PCSK5: variants seen among roughly 807,000 people sequenced by gnomAD.
The protein encoded by PCSK5 is prohormone convertase 5.
Under a neutral mutation model 233.2 loss-of-function variants are expected in PCSK5, and 129 were observed. The ratio of observed to expected loss-of-function variants is 0.55; its 90% CI spans 0.48 to 0.64. The LOEUF is 0.64. PCSK5 is among the 30% of genes least tolerant of loss of function. PCSK5 has a pLI of 0.00. For missense variants in PCSK5, 2,076 were observed against 2,430.1 expected (o/e 0.85, Z 3.06); for synonymous variants, 825 against 879.2 (o/e 0.94, Z 1.09).
At chr9:76,090,478 C>G (rs769958972) in intron 7 of PCSK5, among the ~76,000 whole-genome samples, 1 of 152,140 alleles carries the variant, frequency 6.6e-6, no homozygotes, top group African/African-American at 2.4e-5. Flanking sequence ...TCTGGGACTT[C>G]AATCATAAAC....
rs927738521 is a variant in PCSK5 at position 76,323,275 on chromosome 9, T to C, written c.4326T>C (p.Thr1442=). The change falls in exon 32 of 38, where the codon ACT becomes ACC. Residue 1442 remains threonine, a synonymous_variant. Transcript: ENST00000674117. ...CPAGTYYEKE[T]KECRDCHKSC... ...CAGGAACCTATTATGAAAAGGAGAC[T>C]AAGGAGTGCAGAGGTAAAGACTTCT... is the stretch of plus-strand genomic sequence containing the variant. 6 of 1,599,434 alleles carry C rather than the reference T, an allele frequency of 3.8e-6. No individual in the cohort carries two copies. The highest frequency in any genetic ancestry group is 5.1e-6 in the Non-Finnish European group (6 of 1,167,924).
At chr9:76,185,254 G>T (rs1400972675) in intron 17 of PCSK5, among the ~76,000 whole-genome samples, 1 of 152,160 alleles carries the variant, frequency 6.6e-6, no homozygotes, top group East Asian at 1.9e-4. Flanking sequence ...ACCAGGAGAT[G>T]TTTTCCTTGA....
At chr9:75,991,392 A>G in intron 3 of PCSK5, among the ~76,000 whole-genome samples, 1 of 152,162 alleles carries the variant, frequency 6.6e-6, no homozygotes, top group East Asian at 1.9e-4. Flanking sequence ...ACCGTATTTA[A>G]TTAACCAAGG....
At chr9:76,149,540 A>C (rs1823580480) in intron 10 of PCSK5, among the ~76,000 whole-genome samples, 1 of 152,244 alleles carries the variant, frequency 6.6e-6, no homozygotes, top group Non-Finnish European at 1.5e-5. Flanking sequence ...CTGCCGGCTA[A>C]CCAAAATCCC....
intron 5 of PCSK5, among the ~76,000 whole-genome samples, chr9:76,043,941 C>T (rs897859572): frequency 1.3e-5 from 2 of 152,116 alleles, no homozygotes; most frequent in African/African-American, 4.8e-5. Context: ...GTCTTTCTCT[C>T]TTTCTCTCTC....
Position 75,960,542 on chromosome 9 carries a change from A to G in PCSK5, c.298-25590A>G, listed in dbSNP as rs190264085. ...TGTGAAAGGGCATGAATAAAGAAAA[A>G]CAGCTGAAGAACAAAAGGAAATTTA... On this transcript the variant is annotated intron_variant, in intron 2 of 37. Transcript: ENST00000674117. 4.2e-4 allele frequency among the ~76,000 whole-genome samples: 64 copies of G among 152,376 alleles called. 1 individual carries two copies. The highest frequency in any genetic ancestry group is 1.2e-3 in the Admixed American group (18 of 15,308).
intron 22 of PCSK5, among the ~76,000 whole-genome samples, chr9:76,236,099 T>C (rs2131322907): frequency 6.6e-6 from 1 of 152,362 alleles, no homozygotes; most frequent in South Asian, 2.1e-4. Context: ...ACTCCAATTC[T>C]CTTCCAGATT....
intron 13 of PCSK5, among the ~76,000 whole-genome samples, chr9:76,171,279 T>A (rs899310609): frequency 6.6e-6 from 1 of 152,178 alleles, no homozygotes; most frequent in African/African-American, 2.4e-5. Flanking sequence ...CACAGGGTCA[T>A]GGCACATAGG....
At chr9:75,924,399 C>A (rs1384948804) in intron 1 of PCSK5, among the ~76,000 whole-genome samples, 2 of 152,128 alleles carry the variant, frequency 1.3e-5, no homozygotes, top group Non-Finnish European at 2.9e-5. Context: ...CATTCTACTG[C>A]CTGATGCAAT....
At chr9:76,226,125 A>C (rs1408737243) in intron 20 of PCSK5, among the ~76,000 whole-genome samples, 1 of 152,172 alleles carries the variant, frequency 6.6e-6, no homozygotes, top group Admixed American at 6.5e-5. Context: ...ACATAGAGGA[A>C]CAGAGCCCGG....
intron 24 of PCSK5, among the ~76,000 whole-genome samples, chr9:76,285,824 A>AT (rs922094399): frequency 1.3e-5 from 2 of 152,154 alleles, no homozygotes; most frequent in African/African-American, 4.8e-5. Flanking sequence ...ATTAGAAAAA[A>AT]AAAATAAAGT....
chr9:76,320,959 C>G (rs541531066), intron 30 of PCSK5, among the ~76,000 whole-genome samples: 2 of 152,008 alleles, frequency 1.3e-5, no homozygotes, highest in East Asian at 3.9e-4. Flanking sequence ...AGACTATAGG[C>G]GTGCACCACC....
chr9:75,921,830 G>A (rs1484240730), intron 1 of PCSK5, among the ~76,000 whole-genome samples: 4 of 152,246 alleles, frequency 2.6e-5, no homozygotes, highest in Admixed American at 6.5e-5. Context: ...AAATAAAAGC[G>A]TAATGTCATT....
At chr9:76,027,187 CTGAG>C (rs957128416) in intron 5 of PCSK5, 150 bp downstream of exon 5, 7 of 559,564 alleles carry the variant, frequency 1.3e-5, no homozygotes, top group Non-Finnish European at 2.3e-5. Flanking sequence ...ACTGAAGCCT[CTGAG>C]TAAGAAAAAA....
At chr9:76,166,888 C>G (rs1212056269) in intron 12 of PCSK5, among the ~76,000 whole-genome samples, 1 of 152,232 alleles carries the variant, frequency 6.6e-6, no homozygotes, top group East Asian at 1.9e-4. Flanking sequence ...TTCCCCTTCT[C>G]TGTTGTCTTC....
chr9:76,052,562 C>A (rs1829668477), intron 5 of PCSK5, among the ~76,000 whole-genome samples: 1 of 152,154 alleles, frequency 6.6e-6, no homozygotes, highest in African/African-American at 2.4e-5. Context: ...AATTACCTCC[C>A]AATGGGTCCC....
chr9:76,355,850 C>CCCA (rs925934105), intron 37 of PCSK5, among the ~76,000 whole-genome samples: 22 of 151,958 alleles, frequency 1.4e-4, no homozygotes, highest in African/African-American at 5.1e-4. Flanking sequence ...ATTACAGGTG[C>CCCA]CCACCACCAC....
Position 76,240,685 on chromosome 9 carries a change from G to C in PCSK5, c.3142+1G>C. On this transcript the variant is annotated splice_donor_variant, in intron 24 of 37. Transcript: ENST00000674117. LOFTEE classifies it high-confidence loss of function. Reference sequence around the variant, plus strand: ...GAAGGATGTCTGGGATGCAGCTTGGGTATGTCCTCTTCCTTTGTCACCTAA... The same window carrying C: ...GAAGGATGTCTGGGATGCAGCTTGGCTATGTCCTCTTCCTTTGTCACCTAA... 6.3e-7 allele frequency: 1 copy of C among 1,574,802 alleles called. No individual in the cohort carries two copies. The highest frequency in any genetic ancestry group is 8.6e-7 in the Non-Finnish European group (1 of 1,157,084).
At chr9:76,097,766 C>T (rs763077723) in intron 8 of PCSK5, among the ~76,000 whole-genome samples, 10 of 152,228 alleles carry the variant, frequency 6.6e-5, no homozygotes, top group Non-Finnish European at 1.3e-4. Context: ...GCACAGTACC[C>T]GGCCCTTCAG....
Sources: gnomAD v4.1 joint callset for allele counts (sites outside exome capture counted in the v4.1 genomes callset) on GRCh38, gnomAD v4.1.1 for gene constraint, MANE v1.5 for transcripts, NCBI Gene and HGNC (gene_info 2026-07-23, HGNC 2026-07-21) for gene names.